The following SPAG9 variants were observed in gnomAD, a reference collection of about 807,000 sequenced individuals.
The protein encoded by SPAG9 is sperm associated antigen 9, also known as C-Jun-amino-terminal kinase-interacting protein 4.
Under a neutral mutation model 166.5 loss-of-function variants are expected in SPAG9, and 35 were observed. The ratio of observed to expected loss-of-function variants is 0.21; its 90% CI spans 0.16 to 0.28. The LOEUF (loss-of-function observed/expected upper bound fraction) is 0.28. SPAG9 is among the 10% of genes least tolerant of loss of function. SPAG9 has a pLI of 1.00. For missense variants in SPAG9, 1,235 were observed against 1,603.3 expected (o/e 0.77, Z 3.92); for synonymous variants, 534 against 565.5 (o/e 0.94, Z 0.79).
In SPAG9 at chr17:50,970,888, C is replaced by T. The variant is rs1300697732; in HGVS notation, c.3701-32G>A. 1.9e-6 allele frequency: 3 copies of T among 1,575,342 alleles called. No individual in the cohort carries two copies. In the South Asian group the frequency reaches 3.5e-5, roughly 18 times the overall value. On this transcript the variant is annotated intron_variant, in intron 28 of 29. Coordinates refer to ENST00000262013, the MANE Select transcript of SPAG9 (RefSeq NM_001130528.3). ...TATACAGAAACAAAAGTGAATATTA[C>T]TTATCACAGAAGGGAGGCTGTTTTG... is the stretch of plus-strand genomic sequence containing the variant.
intron 1 of SPAG9, among the ~76,000 whole-genome samples, chr17:51,093,694 CAAAAAA>C (rs57010523): frequency 5.2e-4 from 38 of 72,554 alleles, no homozygotes; most frequent in East Asian, 2.1e-3. Flanking sequence ...GACTCCGTCT[CAAAAAA>C]AAAAAAAAAA....
intron 9 of SPAG9, among the ~76,000 whole-genome samples, chr17:51,011,934 A>C (rs1474761815): frequency 6.6e-6 from 1 of 152,236 alleles, no homozygotes; most frequent in African/African-American, 2.4e-5. Context: ...TAAATACTTC[A>C]TAAGAAAAGA....
chr17:51,020,594 T>G (rs1453475145), intron 7 of SPAG9, among the ~76,000 whole-genome samples: 1 of 152,220 alleles, frequency 6.6e-6, no homozygotes, highest in East Asian at 1.9e-4. Flanking sequence ...AGAAAAGAAC[T>G]GTCCTCCCGT....
intron 1 of SPAG9, among the ~76,000 whole-genome samples, chr17:51,085,849 T>C (rs1276900325): frequency 2.0e-5 from 3 of 152,086 alleles, no homozygotes; most frequent in African/African-American, 7.2e-5. Context: ...GCTATATACA[T>C]TTATCAGTGC....
intron 1 of SPAG9, among the ~76,000 whole-genome samples, chr17:51,105,597 G>A (rs1473246098): frequency 3.9e-5 from 6 of 152,112 alleles, no homozygotes; most frequent in Non-Finnish European, 7.3e-5. Context: ...TTGGCCGGGC[G>A]CAGTGGCTCA....
At chr17:51,000,131 T>C (rs1027067543) in intron 13 of SPAG9, among the ~76,000 whole-genome samples, 1 of 152,166 alleles carries the variant, frequency 6.6e-6, no homozygotes, top group Non-Finnish European at 1.5e-5. Context: ...GCTTGAAACT[T>C]TGGCATCCTG....
chr17:51,101,010 G>T (rs2048792577), intron 1 of SPAG9, among the ~76,000 whole-genome samples: 2 of 151,986 alleles, frequency 1.3e-5, no homozygotes, highest in South Asian at 4.2e-4. Context: ...AGTTCAAATG[G>T]ACTATTTTCA....
chr17:51,083,896 T>C (rs2048238114), intron 1 of SPAG9, among the ~76,000 whole-genome samples: 1 of 152,136 alleles, frequency 6.6e-6, no homozygotes, highest in Non-Finnish European at 1.5e-5. Flanking sequence ...AGAGACACTG[T>C]AGTTCCTTCC....
At chr17:50,987,820 TG>T (rs1192573607) in intron 21 of SPAG9, among the ~76,000 whole-genome samples, 1 of 152,242 alleles carries the variant, frequency 6.6e-6, no homozygotes, top group African/African-American at 2.4e-5. Context: ...AACTGAAATA[TG>T]TTTAATATTC....
intron 1 of SPAG9, among the ~76,000 whole-genome samples, chr17:51,100,871 G>C (rs2048788990): frequency 6.6e-6 from 1 of 151,648 alleles, no homozygotes; most frequent in South Asian, 2.1e-4. Flanking sequence ...GGTGAGCCAA[G>C]ATTGCGCCAT....
Position 50,984,937 on chromosome 17 carries a change from A to C in SPAG9, c.3074T>G (p.Phe1025Cys). The C allele has an allele frequency of 6.2e-7, 1 of 1,614,178 alleles. No individual in the cohort carries two copies. The highest frequency in any genetic ancestry group is 8.5e-7 in the Non-Finnish European group (1 of 1,179,988). Residue 1025 changes from phenylalanine (F) to cysteine (C), a missense_variant, in exon 24 of 30, where the codon TTT becomes TGT. Coordinates refer to ENST00000262013, the MANE Select transcript of SPAG9 (RefSeq NM_001130528.3). Reference protein sequence around the residue: ...VALADGTLAIFHRGVDGQWDL... With the variant: ...VALADGTLAICHRGVDGQWDL... ...TCACCACTCACCCACTCCTCTGTGA[A>C]AGATTGCAAGGGTGCCGTCAGCCAG...
chr17:51,098,280 G>A (rs899313950), intron 1 of SPAG9, among the ~76,000 whole-genome samples: 3 of 152,122 alleles, frequency 2.0e-5, no homozygotes, highest in Non-Finnish European at 4.4e-5. Context: ...CAAATACAGC[G>A]GGCTGATTGT....
chr17:51,107,466 C>T (rs1003454354), intron 1 of SPAG9, among the ~76,000 whole-genome samples: 12 of 151,954 alleles, frequency 7.9e-5, no homozygotes, highest in South Asian at 2.1e-4. Context: ...TAGTCAGACA[C>T]GGTGGCTCAC....
intron 1 of SPAG9, among the ~76,000 whole-genome samples, chr17:51,095,462 G>T (rs892755528): frequency 6.6e-6 from 1 of 151,396 alleles, no homozygotes; most frequent in South Asian, 2.1e-4. Flanking sequence ...GCCAAAGGCT[G>T]AGAAATGATG....
chr17:51,077,903 G>A (rs1293638266), intron 2 of SPAG9, among the ~76,000 whole-genome samples: 4 of 151,540 alleles, frequency 2.6e-5, no homozygotes, highest in East Asian at 2.0e-4. Context: ...TGCACGCCTC[G>A]GCAGCCTCCC....
At chr17:51,082,762 T>G (rs1364433599) in intron 1 of SPAG9, among the ~76,000 whole-genome samples, 1 of 152,244 alleles carries the variant, frequency 6.6e-6, no homozygotes, top group Non-Finnish European at 1.5e-5. Flanking sequence ...CTATTACCTA[T>G]ATTAACTGTC....
intron 5 of SPAG9, among the ~76,000 whole-genome samples, chr17:51,039,217 G>A (rs770866953): frequency 1.2e-4 from 18 of 152,118 alleles, no homozygotes; most frequent in Non-Finnish European, 2.5e-4. Context: ...AAGATGGCTA[G>A]GTCATCCTCA....
At chr17:51,106,881 A>G (rs2048965550) in intron 1 of SPAG9, among the ~76,000 whole-genome samples, 1 of 151,390 alleles carries the variant, frequency 6.6e-6, no homozygotes, top group Non-Finnish European at 1.5e-5. Context: ...AAGTGTGCAG[A>G]TCACAAGGTC....
chr17:50,990,645 C>T lies in SPAG9; in HGVS notation c.2422G>A (p.Ala808Thr). ...VPGARETDYP[A>T]GEDLSESGQV... Reference sequence around the variant, plus strand: ...CCAGATTCTGAAAGATCTTCTCCTGCAGGGTAGTCTGTTTCTCGTGCACCT... The same window carrying T: ...CCAGATTCTGAAAGATCTTCTCCTGTAGGGTAGTCTGTTTCTCGTGCACCT... Residue 808 changes from alanine (A) to threonine (T), a missense_variant, in exon 20 of 30, where the codon GCA becomes ACA. Transcript: ENST00000262013. 6.2e-7 allele frequency: 1 copy of T among 1,614,108 alleles called. No individual in the cohort carries two copies. The highest frequency in any genetic ancestry group is 8.5e-7 in the Non-Finnish European group (1 of 1,179,972).
Sources: allele counts gnomAD v4.1 joint callset (sites outside exome capture counted in the v4.1 genomes callset), GRCh38; gene constraint gnomAD v4.1.1; transcripts MANE v1.5; gene names NCBI Gene and HGNC (gene_info 2026-07-23, HGNC 2026-07-21).